The following FHIT variants were observed in gnomAD, a reference collection of about 807,000 sequenced individuals.
FHIT encodes bis(5'-adenosyl)-triphosphatase.
In FHIT, 19 loss-of-function variants were observed where a neutral mutation model predicts 17.9. The ratio of observed to expected loss-of-function variants is 1.06; its 90% CI spans 0.74 to 1.56. The LOEUF is 1.56. FHIT is among the 40% of genes most tolerant of loss of function. The pLI, the probability that FHIT is intolerant of heterozygous loss-of-function variation, is 0.00. For missense variants in FHIT, 248 were observed against 189.2 expected (o/e 1.31, Z -1.82); for synonymous variants, 81 against 69.7 (o/e 1.16, Z -0.81).
intron 8 of FHIT, among the ~76,000 whole-genome samples, chr3:59,872,340 T>C (rs1007087337): frequency 2.0e-5 from 3 of 152,142 alleles, no homozygotes; most frequent in Non-Finnish European, 2.9e-5. Context: ...ACTGAGTTCA[T>C]GAGGAGGGCG....
At chr3:60,686,727 C>T (rs1553698554) in intron 4 of FHIT, among the ~76,000 whole-genome samples, 1 of 152,104 alleles carries the variant, frequency 6.6e-6, no homozygotes, top group African/African-American at 2.4e-5. Flanking sequence ...TGACATTCCT[C>T]CCTTACTTTC....
chr3:60,499,915 T>C (rs561553914), intron 5 of FHIT, among the ~76,000 whole-genome samples: 1 of 152,258 alleles, frequency 6.6e-6, no homozygotes, highest in African/African-American at 2.4e-5. Flanking sequence ...GAATAGAAAA[T>C]CATGTTGTTT....
At chr3:61,093,819 G>A (rs2035556538) in intron 2 of FHIT, among the ~76,000 whole-genome samples, 1 of 152,170 alleles carries the variant, frequency 6.6e-6, no homozygotes, top group Non-Finnish European at 1.5e-5. Flanking sequence ...TCACCAGTGT[G>A]TATACCCACT....
chr3:60,141,395 A>C (rs1576189128), intron 5 of FHIT, among the ~76,000 whole-genome samples: 3 of 152,042 alleles, frequency 2.0e-5, no homozygotes, highest in Admixed American at 1.3e-4. Flanking sequence ...AAAAAAAAAA[A>C]AAAAACACTG....
In FHIT at chr3:60,114,204, T is replaced by C. The variant is rs112875687; in HGVS notation, c.104-100052A>G. 2.8e-3 allele frequency among the ~76,000 whole-genome samples: 417 copies of C among 150,514 alleles called. 2 individuals are homozygous for C. The highest frequency in any genetic ancestry group is 9.6e-3 in the African/African-American group (394 of 41,124). ...TCAGACAAGGTAAACAGTATGAATA[T>C]TCCTATTTTAAAAATTCTGACCCAG... On this transcript the variant is annotated intron_variant, in intron 5 of 9. Coordinates refer to ENST00000492590, the MANE Select transcript of FHIT (RefSeq NM_002012.4).
intron 5 of FHIT, among the ~76,000 whole-genome samples, chr3:60,093,336 C>A (rs549708551): frequency 6.6e-6 from 1 of 152,242 alleles, no homozygotes; most frequent in East Asian, 1.9e-4. Flanking sequence ...TGGGACGAAA[C>A]CATCTCACAT....
intron 7 of FHIT, among the ~76,000 whole-genome samples, chr3:59,930,936 T>A (rs949095468): frequency 6.6e-6 from 1 of 152,148 alleles, no homozygotes; most frequent in Non-Finnish European, 1.5e-5. Flanking sequence ...ATTAAGCAGT[T>A]TGGTGTTCAG....
rs116264680 is a variant in FHIT at position 60,954,389 on chromosome 3, G to A, written c.-111+87658C>T. Among the ~76,000 whole-genome samples the A allele has an allele frequency of 4.5e-3, 681 of 152,244 alleles. 5 individuals are homozygous for A. Among genetic ancestry groups the A allele is most frequent in the African/African-American group, 0.015 (638 of 41,556 alleles). ...CAAACATTCATAAATGACGAACAAGGAAAGATGTTATCTTAAAAATAATGT... is the reference window on the plus strand; with the variant it reads ...CAAACATTCATAAATGACGAACAAGAAAAGATGTTATCTTAAAAATAATGT... On this transcript the variant is annotated intron_variant, in intron 3 of 9. Transcript: ENST00000492590.
intron 4 of FHIT, among the ~76,000 whole-genome samples, chr3:60,741,398 T>A (rs1372241129): frequency 2.0e-5 from 3 of 152,220 alleles, no homozygotes; most frequent in African/African-American, 7.2e-5. Context: ...TGCCTGATCA[T>A]CTTCAGCAAG....
chr3:60,162,421 C>G (rs1205395713), intron 5 of FHIT, among the ~76,000 whole-genome samples: 1 of 152,104 alleles, frequency 6.6e-6, no homozygotes, highest in East Asian at 1.9e-4. Flanking sequence ...TTGTTTATTT[C>G]TGGATTACTT....
chr3:60,720,946 G>A (rs2041796069), intron 4 of FHIT, among the ~76,000 whole-genome samples: 1 of 152,178 alleles, frequency 6.6e-6, no homozygotes, highest in Non-Finnish European at 1.5e-5. Flanking sequence ...AAACCTTTCT[G>A]GGAAAATCCA....
At chr3:60,619,738 G>C (rs1553677629) in intron 4 of FHIT, among the ~76,000 whole-genome samples, 1 of 151,316 alleles carries the variant, frequency 6.6e-6, no homozygotes, top group Non-Finnish European at 1.5e-5. Context: ...GTACAAGAAA[G>C]TTCAGCTGAT....
intron 2 of FHIT, among the ~76,000 whole-genome samples, chr3:61,126,129 C>G (rs2036598642): frequency 6.6e-6 from 1 of 152,062 alleles, no homozygotes; most frequent in Non-Finnish European, 1.5e-5. Flanking sequence ...GTATCTATGG[C>G]ATCTATGAGT....
intron 5 of FHIT, among the ~76,000 whole-genome samples, chr3:60,469,855 T>A (rs1396050341): frequency 6.6e-6 from 1 of 152,132 alleles, no homozygotes; most frequent in East Asian, 1.9e-4. Context: ...CTTTACCCGT[T>A]TCTACTTTAG....
intron 7 of FHIT, among the ~76,000 whole-genome samples, chr3:59,950,600 C>G (rs1487570456): frequency 6.6e-6 from 1 of 152,080 alleles, no homozygotes; most frequent in African/African-American, 2.4e-5. Flanking sequence ...CTACTATTCT[C>G]TCCTGCTTTT....
At chr3:60,550,039 ACT>A (rs2036494979) in intron 4 of FHIT, among the ~76,000 whole-genome samples, 1 of 152,134 alleles carries the variant, frequency 6.6e-6, no homozygotes. Flanking sequence ...ATTTCAATTA[ACT>A]TAAACACTAG....
At chr3:60,521,524 G>GCT (rs1559509828) in intron 5 of FHIT, among the ~76,000 whole-genome samples, 2 of 152,158 alleles carry the variant, frequency 1.3e-5, no homozygotes, top group African/African-American at 4.8e-5. Flanking sequence ...TGGGATTACA[G>GCT]GCATGAGCCA....
rs1409070337 is a variant in FHIT, at chr3:60,118,779, G to A, written c.104-104627C>T. On this transcript the variant is annotated intron_variant, in intron 5 of 9. Coordinates refer to ENST00000492590, the MANE Select transcript of FHIT (RefSeq NM_002012.4). ...GGAGGCTGAGGTGGGGGCGGCGGGG[G>A]GGGGGGGGTGGTGAATCACCTGAAG... Among the ~76,000 whole-genome samples the A allele has an allele frequency of 2.6e-4, 29 of 111,878 alleles. No individual in the cohort carries two copies. The East Asian group carries it at 9.7e-3, about 37-fold the overall frequency. The allele number at this position is 111,878 out of a possible 152,430, so 73.4% of individuals were successfully genotyped here. A position where few individuals can be genotyped will look rare whatever the true frequency, so the allele number is the denominator to read the frequency against.
chr3:60,599,817 T>C (rs539460469), intron 4 of FHIT, among the ~76,000 whole-genome samples: 1 of 152,200 alleles, frequency 6.6e-6, no homozygotes, highest in African/African-American at 2.4e-5. Context: ...TTCTTGCCCA[T>C]CTAAACTCCC....
Sources: allele counts gnomAD v4.1 joint callset (sites outside exome capture counted in the v4.1 genomes callset), GRCh38; gene constraint gnomAD v4.1.1; transcripts MANE v1.5; gene names NCBI Gene and HGNC (gene_info 2026-07-23, HGNC 2026-07-21).